DLG2: variants seen among roughly 807,000 people sequenced by gnomAD.
DLG2 encodes discs large MAGUK scaffold protein 2, also known as disks large homolog 2.
DLG2 carries 45 observed loss-of-function variants against 132.5 expected under a neutral mutation model. The ratio of observed to expected loss-of-function variants is 0.34; its 90% CI spans 0.27 to 0.44. The LOEUF is 0.44. DLG2 is among the 20% of genes least tolerant of loss of function. DLG2 has a pLI of 1.00. For missense variants in DLG2, 1,045 were observed against 1,196.9 expected (o/e 0.87, Z 1.87); for synonymous variants, 424 against 419.6 (o/e 1.01, Z -0.13).
At chr11:83,763,301 AT>A (rs746132170) in intron 18 of DLG2, among the ~76,000 whole-genome samples, 5 of 152,118 alleles carry the variant, frequency 3.3e-5, no homozygotes, top group East Asian at 1.9e-4. Flanking sequence ...TACTCAATAG[AT>A]TTTTTTTAAA....
intron 3 of DLG2, among the ~76,000 whole-genome samples, chr11:85,413,445 T>C (rs2089524940): frequency 6.6e-6 from 1 of 152,042 alleles, no homozygotes. Context: ...TTATTGTGTT[T>C]GTTTTTGGGT....
chr11:85,307,675 C>T (rs1045138684), intron 3 of DLG2, among the ~76,000 whole-genome samples: 33 of 152,224 alleles, frequency 2.2e-4, no homozygotes, highest in Admixed American at 1.3e-4. Flanking sequence ...GGTCCTGCCA[C>T]AGTACTGATC....
intron 7 of DLG2, among the ~76,000 whole-genome samples, chr11:84,286,114 C>G (rs1386242475): frequency 2.6e-5 from 4 of 152,170 alleles, no homozygotes; most frequent in African/African-American, 9.7e-5. Flanking sequence ...CTTTTACTGC[C>G]ATTACCATGT....
intron 12 of DLG2, among the ~76,000 whole-genome samples, chr11:83,977,219 C>G (rs2092344408): frequency 6.6e-6 from 1 of 151,894 alleles, no homozygotes; most frequent in African/African-American, 2.4e-5. Flanking sequence ...AAAGGCTTTG[C>G]AAAAAGCATA....
chr11:84,609,822 T>C (rs2099592268), intron 6 of DLG2, among the ~76,000 whole-genome samples: 1 of 152,190 alleles, frequency 6.6e-6, no homozygotes, highest in Admixed American at 6.6e-5. Flanking sequence ...ATTTAATGGT[T>C]AGGCCCAAAG....
intron 2 of DLG2, among the ~76,000 whole-genome samples, chr11:85,605,798 G>T (rs369018760): frequency 2.0e-5 from 3 of 152,158 alleles, no homozygotes; most frequent in African/African-American, 7.2e-5. Context: ...GACCAACATG[G>T]TGAAACCCCG....
intron 6 of DLG2, among the ~76,000 whole-genome samples, chr11:84,936,071 G>T (rs1443543237): frequency 6.6e-6 from 1 of 152,016 alleles, no homozygotes; most frequent in Non-Finnish European, 1.5e-5. Flanking sequence ...TTATCATCTG[G>T]CTAGATACTC....
intron 18 of DLG2, among the ~76,000 whole-genome samples, chr11:83,716,505 G>A (rs543455774): frequency 2.0e-5 from 3 of 152,300 alleles, no homozygotes; most frequent in Non-Finnish European, 4.4e-5. Context: ...TGCTTTAGAT[G>A]CACTGTGTTT....
chr11:85,577,910 C>T (rs1219444760), intron 3 of DLG2, among the ~76,000 whole-genome samples: 1 of 152,042 alleles, frequency 6.6e-6, no homozygotes, highest in Non-Finnish European at 1.5e-5. Flanking sequence ...CATATGGAAC[C>T]AATAAAAAGC....
chr11:84,528,454 G>C lies in DLG2; in HGVS notation c.519+6116C>G, dbSNP rs141711936. Among the ~76,000 whole-genome samples, 138 of 152,298 alleles carry C rather than the reference G, an allele frequency of 9.1e-4. 7 individuals are homozygous for C. The East Asian group carries it at 0.024, about 27-fold the overall frequency. ...GCTTCAAGTAATACACGACGATGGA[G>C]AAAATGATACTCAAACCTGTGACAG... On this transcript the variant is annotated intron_variant, in intron 7 of 27. Transcript: ENST00000376104.
In DLG2 at chr11:83,746,038, C is replaced by T. The variant is rs142090772; in HGVS notation, c.1825+40652G>A. The stretch of plus-strand genomic sequence containing the variant: ...AAAATCACAATGAGTTACCATCTCA[C>T]ACCAGTTAGGATGGCCATCATTAAA... On this transcript the variant is annotated intron_variant, in intron 18 of 27. Coordinates refer to ENST00000376104, the MANE Select transcript of DLG2 (RefSeq NM_001142699.3). Among the ~76,000 whole-genome samples the T allele has an allele frequency of 5.6e-3, 857 of 152,268 alleles. 4 individuals carry two copies. Among genetic ancestry groups the T allele is most frequent in the Non-Finnish European group, 0.01 (694 of 68,000 alleles).
intron 15 of DLG2, among the ~76,000 whole-genome samples, chr11:83,922,592 G>A (rs1017064961): frequency 2.6e-5 from 4 of 152,052 alleles, no homozygotes; most frequent in Non-Finnish European, 5.9e-5. Context: ...TTTTCTAATG[G>A]TGCTGTTTCC....
At chr11:83,965,673 T>G (rs1486432115) in intron 12 of DLG2, among the ~76,000 whole-genome samples, 2 of 151,992 alleles carry the variant, frequency 1.3e-5, no homozygotes, top group Admixed American at 6.6e-5. Flanking sequence ...TTTTTTTAAA[T>G]GAGGAAGTGA....
chr11:84,686,148 T>G (rs1407781101), intron 6 of DLG2, among the ~76,000 whole-genome samples: 1 of 152,130 alleles, frequency 6.6e-6, no homozygotes, highest in Non-Finnish European at 1.5e-5. Flanking sequence ...AGACAGCATA[T>G]GGATAGGCAC....
intron 6 of DLG2, among the ~76,000 whole-genome samples, chr11:84,573,131 AT>A (rs1477590166): frequency 1.3e-5 from 2 of 152,176 alleles, no homozygotes; most frequent in Non-Finnish European, 2.9e-5. Flanking sequence ...TAGACAACTG[AT>A]AAAAATGCCT....
intron 14 of DLG2, among the ~76,000 whole-genome samples, chr11:83,960,598 A>T (rs1226672063): frequency 6.6e-6 from 1 of 151,968 alleles, no homozygotes; most frequent in Non-Finnish European, 1.5e-5. Flanking sequence ...TTCTGCATAA[A>T]TTAGGGAACA....
chr11:83,992,203 T>C (rs2093759647), intron 11 of DLG2, among the ~76,000 whole-genome samples: 1 of 152,190 alleles, frequency 6.6e-6, no homozygotes, highest in African/African-American at 2.4e-5. Flanking sequence ...ATGTGTCAAG[T>C]AGCAGCCTAA....
intron 6 of DLG2, among the ~76,000 whole-genome samples, chr11:85,049,582 A>T (rs74857306): frequency 6.6e-6 from 1 of 152,128 alleles, no homozygotes; most frequent in Non-Finnish European, 1.5e-5. Context: ...CTCAATAAAC[A>T]TGTGATAATA....
At chr11:85,009,417 A>C (rs1398429477) in intron 6 of DLG2, among the ~76,000 whole-genome samples, 2 of 152,140 alleles carry the variant, frequency 1.3e-5, no homozygotes, top group Non-Finnish European at 2.9e-5. Context: ...CTTTGTACAG[A>C]AACAAGCCAT....
Sources: allele counts gnomAD v4.1 joint callset (sites outside exome capture counted in the v4.1 genomes callset), GRCh38; gene constraint gnomAD v4.1.1; transcripts MANE v1.5; gene names NCBI Gene and HGNC (gene_info 2026-07-23, HGNC 2026-07-21).